RNLS: variants seen among roughly 807,000 people sequenced by gnomAD.
The protein encoded by RNLS is renalase.
In RNLS, 39 loss-of-function variants were observed where a neutral mutation model predicts 39.8. That is an observed-to-expected ratio of 0.98 (90% CI 0.76 to 1.28). The LOEUF is 1.28. RNLS is among the 50% of genes most tolerant of loss of function. The pLI, the probability that RNLS is intolerant of heterozygous loss-of-function variation, is 0.00. For missense variants in RNLS, 410 were observed against 413.3 expected, an observed-to-expected ratio of 0.99 and a Z score of 0.07; for synonymous variants, 147 against 150.7, an observed-to-expected ratio of 0.98 and a Z score of 0.18.
intron 4 of RNLS, among the ~76,000 whole-genome samples, chr10:88,365,064 T>C (rs1348929122): frequency 6.6e-6 from 1 of 152,068 alleles, no homozygotes; most frequent in African/African-American, 2.4e-5. Context: ...AAGTGCCAAG[T>C]GGTAAATCCC....
At chr10:88,308,740 T>A (rs1845127571) in intron 6 of RNLS, among the ~76,000 whole-genome samples, 1 of 152,156 alleles carries the variant, frequency 6.6e-6, no homozygotes, top group Non-Finnish European at 1.5e-5. Context: ...AAATCACAAA[T>A]GTCATTCAAC....
intron 4 of RNLS, among the ~76,000 whole-genome samples, chr10:88,553,547 T>C (rs971274346): frequency 4.6e-5 from 7 of 152,154 alleles, no homozygotes; most frequent in African/African-American, 1.4e-4. Flanking sequence ...TAAGATTTTA[T>C]ATAGTACACA....
chr10:88,207,241 A>G, the RNLS span, among the ~76,000 whole-genome samples: 1 of 152,176 alleles, frequency 6.6e-6, no homozygotes, highest in East Asian at 1.9e-4. Context: ...ATGAGAAGAC[A>G]AGTTACAGAT....
At chr10:88,469,033 A>T (rs542845549) in intron 4 of RNLS, among the ~76,000 whole-genome samples, 71 of 152,340 alleles carry the variant, frequency 4.7e-4, no homozygotes, top group Admixed American at 8.5e-4. Flanking sequence ...TTCATGATAC[A>T]TTAAAAAATG....
the RNLS span, among the ~76,000 whole-genome samples, chr10:88,236,911 A>G: frequency 6.6e-6 from 1 of 152,166 alleles, no homozygotes; most frequent in African/African-American, 2.4e-5. Flanking sequence ...CATTGGAAGC[A>G]CTGCTAAGTA....
At position 88,561,257 on chromosome 10, in the gene RNLS, CT is replaced by C. The variant is rs564226612; in HGVS notation, c.526+11645del. Among the ~76,000 whole-genome samples, 455 of 152,234 alleles carry C rather than the reference CT, an allele frequency of 3.0e-3. 3 individuals are homozygous for C. Among genetic ancestry groups the C allele is most frequent in the African/African-American group, 0.011 (437 of 41,536 alleles). ...AGGGCAGTTCTGGGAAAAAATAAAG[CT>C]GTCTCATGTTTACAGGTCAAATAGT... On this transcript the variant is annotated intron_variant, in intron 4 of 6. Transcript: ENST00000331772.
intron 4 of RNLS, among the ~76,000 whole-genome samples, chr10:88,363,230 C>G (rs1401185352): frequency 1.3e-5 from 2 of 151,072 alleles, no homozygotes; most frequent in Admixed American, 6.6e-5. Context: ...ATAACACACA[C>G]TGGGGTCTGT....
chr10:88,527,641 G>A (rs1193363426), intron 4 of RNLS, among the ~76,000 whole-genome samples: 4 of 152,132 alleles, frequency 2.6e-5, no homozygotes, highest in Non-Finnish European at 4.4e-5. Flanking sequence ...TTTCCTTGGT[G>A]AAATGTGCCA....
intron 4 of RNLS, among the ~76,000 whole-genome samples, chr10:88,381,656 A>C (rs1430592414): frequency 6.6e-6 from 1 of 152,036 alleles, no homozygotes; most frequent in Non-Finnish European, 1.5e-5. Flanking sequence ...GATTAAACAA[A>C]TATTAAGATG....
intron 4 of RNLS, among the ~76,000 whole-genome samples, chr10:88,509,187 T>C (rs1018589923): frequency 2.6e-5 from 4 of 152,256 alleles, no homozygotes; most frequent in Admixed American, 2.6e-4. Context: ...GATGGACTCA[T>C]CACTTTTTAA....
intron 5 of RNLS, among the ~76,000 whole-genome samples, chr10:88,322,932 C>A (rs188916153): frequency 9.2e-5 from 14 of 152,232 alleles, no homozygotes; most frequent in Admixed American, 9.2e-4. Context: ...GACTTCAGTA[C>A]AGTTTCAGGA....
At chr10:88,186,513 T>A in the RNLS span, among the ~76,000 whole-genome samples, 12 of 152,272 alleles carry the variant, frequency 7.9e-5, no homozygotes, top group South Asian at 2.5e-3. Flanking sequence ...GTTGAGTGAC[T>A]CAATCAAGGT....
chr10:88,362,748 C>T (rs1460770618), intron 4 of RNLS, 23 bp from the exon 5 acceptor site: 1 of 1,603,318 alleles, frequency 6.2e-7, no homozygotes, highest in Non-Finnish European at 8.5e-7. Context: ...AAATAAAAGG[C>T]ATCAAACTTA....
chr10:88,408,942 G>C (rs1342526904), intron 4 of RNLS, among the ~76,000 whole-genome samples: 1 of 152,106 alleles, frequency 6.6e-6, no homozygotes, highest in Non-Finnish European at 1.5e-5. Context: ...AAAATGATGT[G>C]TTGAGAACAA....
In RNLS at chr10:88,401,057, C is replaced by A. The variant is rs572793088; in HGVS notation, c.527-38332G>T. On this transcript the variant is annotated intron_variant, in intron 4 of 6. Coordinates refer to ENST00000331772, the MANE Select transcript of RNLS (RefSeq NM_001031709.3). ...TTCAAATTGTATTGGATGTTGAATT[C>A]CAGGAGTTCTCCCAATTTCCCCCCT... 5.3e-5 allele frequency among the ~76,000 whole-genome samples: 8 copies of A among 151,858 alleles called. No individual in the cohort carries two copies. The South Asian group carries it at 1.0e-3, about 20-fold the overall frequency.
chr10:88,580,076 C>T (rs1850447261), intron 3 of RNLS, among the ~76,000 whole-genome samples: 1 of 152,180 alleles, frequency 6.6e-6, no homozygotes, highest in Admixed American at 6.5e-5. Flanking sequence ...GCCTGCCAGC[C>T]TTTGGACTAG....
At chr10:88,485,440 T>C (rs1844435252) in intron 4 of RNLS, among the ~76,000 whole-genome samples, 1 of 151,836 alleles carries the variant, frequency 6.6e-6, no homozygotes, top group South Asian at 2.1e-4. Flanking sequence ...TGACACTATA[T>C]ATAAGAATTC....
chr10:88,271,697 T>C (rs1274181778), downstream of RNLS, among the ~76,000 whole-genome samples: 1 of 152,162 alleles, frequency 6.6e-6, no homozygotes, highest in Non-Finnish European at 1.5e-5. Flanking sequence ...TTTAAAACAA[T>C]TGGTATCTTT....
the RNLS span, among the ~76,000 whole-genome samples, chr10:88,253,008 C>T: frequency 6.6e-6 from 1 of 152,156 alleles, no homozygotes. Flanking sequence ...GGCTTTTGGG[C>T]CTTGAACACT....
Sources: gnomAD v4.1 joint callset for allele counts (sites outside exome capture counted in the v4.1 genomes callset) on GRCh38, gnomAD v4.1.1 for gene constraint, MANE v1.5 for transcripts, NCBI Gene and HGNC (gene_info 2026-07-23, HGNC 2026-07-21) for gene names.